Variants in PCNX1 observed in about 807,000 individuals in gnomAD.
PCNX1 encodes pecanex 1.
In PCNX1, 78 loss-of-function variants were observed where a neutral mutation model predicts 242.2. The ratio of observed to expected loss-of-function variants is 0.32; its 90% CI spans 0.27 to 0.39. The LOEUF is 0.39. Ranked by LOEUF, PCNX1 falls within the 10% of genes least tolerant of loss-of-function variation. The pLI is 1.00. For synonymous variants in PCNX1, 1,024 were observed against 1,032.9 expected (o/e 0.99, Z 0.17); for missense variants, 2,581 against 2,856.5 (o/e 0.90, Z 2.20).
chr14:71,099,000 A>G (rs2062385964), intron 30 of PCNX1, among the ~76,000 whole-genome samples: 1 of 152,018 alleles, frequency 6.6e-6, no homozygotes. Context: ...ATTTCAAATA[A>G]TTTTTTTATT....
chr14:70,962,116 C>T (rs773766425), intron 2 of PCNX1, 110 bp from the exon 3 acceptor site: 5 of 690,860 alleles, frequency 7.2e-6, no homozygotes, highest in Non-Finnish European at 1.3e-5. Flanking sequence ...GATTAAAAAT[C>T]AGAACCTCTT....
Position 71,085,232 on chromosome 14 carries a change from C to T in PCNX1, c.5338-3098C>T, listed in dbSNP as rs1215556801. On this transcript the variant is annotated intron_variant, in intron 28 of 35. Transcript: ENST00000304743. ...GTACTTCAGTTGGAAATGCAGAAAT[C>T]ACCTGCTTTCTGCCTTGATGTTGCT... is the stretch of plus-strand genomic sequence containing the variant. Among the ~76,000 whole-genome samples the T allele has an allele frequency of 2.6e-5, 4 of 152,166 alleles. No homozygotes were observed. The East Asian group carries it at 5.8e-4, about 22-fold the overall frequency.
rs921127224 is a variant in PCNX1 at position 71,031,449 on chromosome 14, T to A, written c.3559-1980T>A. 1.8e-4 allele frequency among the ~76,000 whole-genome samples: 27 copies of A among 152,308 alleles called. No homozygotes were observed. In the South Asian group the frequency reaches 5.4e-3, roughly 30 times the overall value. On this transcript the variant is annotated intron_variant, in intron 16 of 35. Coordinates refer to ENST00000304743, the MANE Select transcript of PCNX1 (RefSeq NM_014982.3). ...ACCTGAAAACAAGGTCCAGAAGCCCTGGCACAGGACCTTCCTTCCTGCCCT... is the reference window on the plus strand; with the variant it reads ...ACCTGAAAACAAGGTCCAGAAGCCCAGGCACAGGACCTTCCTTCCTGCCCT...
rs1404036336 is a variant in PCNX1, at chr14:71,076,255, G to A, written c.5173G>A (p.Glu1725Lys). 1 of 1,614,010 alleles carries A rather than the reference G, an allele frequency of 6.2e-7. No individual in the cohort carries two copies. The highest frequency in any genetic ancestry group is 1.7e-4 in the Middle Eastern group (1 of 6,060). Residue 1725 changes from glutamate to lysine, a missense_variant, in exon 28 of 36, where the codon GAA becomes AAA. Coordinates refer to ENST00000304743, the MANE Select transcript of PCNX1 (RefSeq NM_014982.3). Reference protein sequence around the residue: ...EEWLANETMQEGLRLCADRNY... With the variant: ...EEWLANETMQKGLRLCADRNY... Reference sequence around the variant, plus strand: ...GTGGCTAGCTAATGAGACAATGCAGGAAGGACTTCGTCTGTGTGCTGATCG... The same window carrying A: ...GTGGCTAGCTAATGAGACAATGCAGAAAGGACTTCGTCTGTGTGCTGATCG...
intron 6 of PCNX1, among the ~76,000 whole-genome samples, chr14:70,984,220 A>G (rs1040800775): frequency 2.6e-5 from 4 of 151,300 alleles, no homozygotes; most frequent in African/African-American, 9.7e-5. Flanking sequence ...TCCCCCCACG[A>G]TAAACATTTC....
At chr14:71,109,323 T>C in intron 34 of PCNX1, 129 bp from the exon 35 acceptor site, 1 of 721,888 alleles carries the variant, frequency 1.4e-6, no homozygotes, top group South Asian at 2.4e-5. Context: ...GCTCTTAAGA[T>C]TTTTTTTTTA....
At chr14:71,064,265 T>C (rs949807397) in intron 26 of PCNX1, among the ~76,000 whole-genome samples, 1 of 152,154 alleles carries the variant, frequency 6.6e-6, no homozygotes, top group Non-Finnish European at 1.5e-5. Flanking sequence ...CTTTTTTCAA[T>C]TATTAATATT....
chr14:70,943,800 C>T (rs944287376), intron 1 of PCNX1, among the ~76,000 whole-genome samples: 3 of 152,150 alleles, frequency 2.0e-5, no homozygotes, highest in Non-Finnish European at 4.4e-5. Flanking sequence ...CAGGGCCTTG[C>T]TGCTTTGCAC....
At chr14:70,919,610 G>GCATATAGATGAACTTTACTAAATC (rs577513207) in intron 1 of PCNX1, among the ~76,000 whole-genome samples, 3 of 141,302 alleles carry the variant, frequency 2.1e-5, no homozygotes, top group Non-Finnish European at 4.5e-5. Context: ...GACTTCTTTA[G>GCATATAGATGAACTTTACTAAATC]CATATAGATG....
At chr14:70,948,921 G>C (rs534310765) in intron 2 of PCNX1, among the ~76,000 whole-genome samples, 144 of 146,094 alleles carry the variant, frequency 9.9e-4, no homozygotes, top group Non-Finnish European at 8.9e-4. Flanking sequence ...GTATATATGT[G>C]TATATATGTA....
intron 2 of PCNX1, among the ~76,000 whole-genome samples, chr14:70,956,657 G>C (rs190240365): frequency 6.6e-6 from 1 of 152,056 alleles, no homozygotes; most frequent in Non-Finnish European, 1.5e-5. Context: ...GGCCATGCTG[G>C]TTATGAGTAC....
intron 26 of PCNX1, among the ~76,000 whole-genome samples, chr14:71,060,044 A>G (rs1370175406): frequency 1.3e-5 from 2 of 152,126 alleles, no homozygotes; most frequent in African/African-American, 2.4e-5. Flanking sequence ...CTAGCCACCT[A>G]TCCCACGTGA....
intron 26 of PCNX1, among the ~76,000 whole-genome samples, chr14:71,063,731 T>C (rs1355772544): frequency 6.6e-6 from 1 of 152,230 alleles, no homozygotes; most frequent in African/African-American, 2.4e-5. Flanking sequence ...TTTATTATTT[T>C]TAAATTTTAT....
At position 70,947,093 on chromosome 14, in the gene PCNX1, C is replaced by A; in HGVS notation, c.332C>A (p.Ser111Ter). The change falls in exon 2 of 36, where the codon TCA (serine) becomes TAA (stop). Residue 111 changes from serine (S) to a stop codon, truncating the protein, a stop_gained. Coordinates refer to ENST00000304743, the MANE Select transcript of PCNX1 (RefSeq NM_014982.3). LOFTEE classifies it high-confidence loss of function. ...QRTKAEQGNC[S>*]TRRKDSNGPS... ...ACCAAAGCTGAACAAGGCAACTGTT[C>A]AACCAGGAGAAAAGACAGCAATGGA... is the stretch of plus-strand genomic sequence containing the variant. The A allele has an allele frequency of 6.2e-7, 1 of 1,612,278 alleles. No individual in the cohort carries two copies. Among genetic ancestry groups the A allele is most frequent in the South Asian group, 1.1e-5 (1 of 90,754 alleles).
intron 26 of PCNX1, among the ~76,000 whole-genome samples, chr14:71,061,669 T>C (rs2061329362): frequency 6.6e-6 from 1 of 152,226 alleles, no homozygotes; most frequent in Non-Finnish European, 1.5e-5. Context: ...AATATGGGTA[T>C]GAATGGCATC....
At chr14:71,077,075 A>T (rs1302440064) in intron 28 of PCNX1, among the ~76,000 whole-genome samples, 4 of 152,136 alleles carry the variant, frequency 2.6e-5, no homozygotes, top group Non-Finnish European at 5.9e-5. Context: ...CACCTGCAAG[A>T]CTCTGATCTA....
intron 1 of PCNX1, among the ~76,000 whole-genome samples, chr14:70,915,132 T>C (rs770249314): frequency 5.9e-5 from 9 of 152,158 alleles, no homozygotes; most frequent in Non-Finnish European, 1.2e-4. Context: ...TAATATTCCT[T>C]TGTATGACTG....
intron 8 of PCNX1, among the ~76,000 whole-genome samples, chr14:71,001,368 GT>G (rs1403125372): frequency 2.0e-5 from 3 of 152,156 alleles, no homozygotes; most frequent in Non-Finnish European, 2.9e-5. Context: ...GAAAGCTCTA[GT>G]TTATACTTTA....
At chr14:71,055,175 T>A (rs149376137) in intron 24 of PCNX1, among the ~76,000 whole-genome samples, 4 of 152,328 alleles carry the variant, frequency 2.6e-5, no homozygotes, top group Non-Finnish European at 5.9e-5. Flanking sequence ...TTCTAACCTC[T>A]TTGAATTTTT....
Sources: allele counts gnomAD v4.1 joint callset (sites outside exome capture counted in the v4.1 genomes callset), GRCh38; gene constraint gnomAD v4.1.1; transcripts MANE v1.5; gene names NCBI Gene and HGNC (gene_info 2026-07-23, HGNC 2026-07-21).